The following TAS2R1 variants were observed in gnomAD, a reference collection of about 807,000 sequenced individuals.
TAS2R1 encodes taste receptor type 2 member 1.
For missense variants in TAS2R1, 370 were observed against 353.4 expected, an observed-to-expected ratio of 1.05 and a Z score of -0.38; for synonymous variants, 141 against 134.2, an observed-to-expected ratio of 1.05 and a Z score of -0.35.
At chr5:9,890,419 G>C in the TAS2R1 span, among the ~76,000 whole-genome samples, 1 of 151,922 alleles carries the variant, frequency 6.6e-6, no homozygotes, top group Admixed American at 6.6e-5. Flanking sequence ...CACATCTCAG[G>C]GTCTTGCAGC....
the TAS2R1 span, among the ~76,000 whole-genome samples, chr5:9,876,023 TAG>T: frequency 1.3e-5 from 2 of 152,096 alleles, no homozygotes. Flanking sequence ...CCAACTATGG[TAG>T]AGACTGGAAA....
At chr5:9,830,697 T>C in the TAS2R1 span, among the ~76,000 whole-genome samples, 2 of 152,096 alleles carry the variant, frequency 1.3e-5, no homozygotes, top group South Asian at 4.2e-4. Context: ...TTGGAAGGGA[T>C]TTTAAGATGC....
chr5:9,674,179 TA>T (rs1421052065), intron 1 of TAS2R1, among the ~76,000 whole-genome samples: 1 of 152,224 alleles, frequency 6.6e-6, no homozygotes, highest in African/African-American at 2.4e-5. Flanking sequence ...AACTGTATTT[TA>T]TATGCCAGCT....
chr5:9,839,323 T>G, the TAS2R1 span, among the ~76,000 whole-genome samples: 145 of 152,258 alleles, frequency 9.5e-4, no homozygotes, highest in African/African-American at 3.4e-3. Context: ...GAAAAGCAAG[T>G]GGTAAGAATT....
At chr5:9,822,432 C>A in the TAS2R1 span, among the ~76,000 whole-genome samples, 1 of 150,926 alleles carries the variant, frequency 6.6e-6, no homozygotes, top group Non-Finnish European at 1.5e-5. Flanking sequence ...TCACTGCTGC[C>A]TCCACCTCCC....
At chr5:9,870,414 T>G in the TAS2R1 span, among the ~76,000 whole-genome samples, 67 of 152,322 alleles carry the variant, frequency 4.4e-4, no homozygotes, top group African/African-American at 1.5e-3. Flanking sequence ...TTCCTCACAC[T>G]TTTCTTCTAC....
the TAS2R1 span, among the ~76,000 whole-genome samples, chr5:9,782,668 A>C: frequency 6.6e-6 from 1 of 152,224 alleles, no homozygotes; most frequent in African/African-American, 2.4e-5. Context: ...CCACAAACTA[A>C]GAGTCGTGCA....
At chr5:9,901,281 G>A in the TAS2R1 span, among the ~76,000 whole-genome samples, 2 of 151,944 alleles carry the variant, frequency 1.3e-5, no homozygotes, top group African/African-American at 2.4e-5. Context: ...GAGATTGTAG[G>A]GGACAAAGTA....
chr5:9,752,069 A>T, the TAS2R1 span, among the ~76,000 whole-genome samples: 1 of 152,242 alleles, frequency 6.6e-6, no homozygotes. Context: ...GAGAAGGAAA[A>T]GATTAAAATG....
At position 9,680,934 on chromosome 5, in the gene TAS2R1, G is replaced by A. The variant is rs148589492; in HGVS notation, c.-241-21353C>T. 7.0e-3 allele frequency among the ~76,000 whole-genome samples: 1,069 copies of A among 152,108 alleles called. 17 individuals carry two copies. The highest frequency in any genetic ancestry group is 0.025 in the African/African-American group (1,024 of 41,498). On this transcript the variant is annotated intron_variant, in intron 1 of 2. Coordinates refer to the TAS2R1 transcript ENST00000506620. Reference sequence around the variant, plus strand: ...AAAAATTAGCCAGGTATGGTGGCAGGGGCCTGTAATCCCAACTGCTCGGAG... The same window carrying A: ...AAAAATTAGCCAGGTATGGTGGCAGAGGCCTGTAATCCCAACTGCTCGGAG...
At chr5:9,674,693 TTTC>T (rs1404786992) in intron 1 of TAS2R1, among the ~76,000 whole-genome samples, 1 of 152,182 alleles carries the variant, frequency 6.6e-6, no homozygotes, top group Non-Finnish European at 1.5e-5. Context: ...CTGAAGATCA[TTTC>T]TTAATTATAC....
At chr5:9,791,558 G>C in the TAS2R1 span, among the ~76,000 whole-genome samples, 4 of 152,136 alleles carry the variant, frequency 2.6e-5, no homozygotes, top group African/African-American at 9.7e-5. Flanking sequence ...AATTGGCCAG[G>C]CATCATGGCG....
At chr5:9,817,898 G>A in the TAS2R1 span, among the ~76,000 whole-genome samples, 1 of 151,644 alleles carries the variant, frequency 6.6e-6, no homozygotes, top group East Asian at 1.9e-4. Flanking sequence ...GGAGGGGGAG[G>A]GGAAGTGCCA....
the TAS2R1 span, among the ~76,000 whole-genome samples, chr5:9,816,775 C>G: frequency 2.0e-5 from 3 of 151,976 alleles, no homozygotes; most frequent in Non-Finnish European, 4.4e-5. Context: ...GTTGATGATT[C>G]TAATAATAGT....
the TAS2R1 span, among the ~76,000 whole-genome samples, chr5:9,891,118 T>G: frequency 6.6e-6 from 1 of 152,166 alleles, no homozygotes; most frequent in Non-Finnish European, 1.5e-5. Flanking sequence ...TGATACAGTA[T>G]CAAAGAAGAC....
the TAS2R1 span, among the ~76,000 whole-genome samples, chr5:9,852,438 C>T: frequency 6.6e-6 from 1 of 152,134 alleles, no homozygotes; most frequent in Non-Finnish European, 1.5e-5. Flanking sequence ...GAATGGCAAA[C>T]TCCTGGCATG....
chr5:9,737,993 G>A, the TAS2R1 span, among the ~76,000 whole-genome samples: 31 of 152,172 alleles, frequency 2.0e-4, no homozygotes, highest in Non-Finnish European at 3.5e-4. Flanking sequence ...AGAAGGACAC[G>A]TATGATGCAG....
intron 2 of TAS2R1, chr5:9,658,658 G>A (rs2126493679): frequency 6.6e-6 from 1 of 152,230 alleles, no homozygotes; most frequent in Non-Finnish European, 1.5e-5. Context: ...AGTTACCCGT[G>A]GATCAAATTA....
chr5:9,826,274 C>T, the TAS2R1 span, among the ~76,000 whole-genome samples: 1 of 152,068 alleles, frequency 6.6e-6, no homozygotes, highest in Non-Finnish European at 1.5e-5. Flanking sequence ...TATAACTCTT[C>T]TTGAGCTGTA....
Sources: allele counts gnomAD v4.1 joint callset (sites outside exome capture counted in the v4.1 genomes callset), GRCh38; gene constraint gnomAD v4.1.1; transcripts MANE v1.5; gene names NCBI Gene and HGNC (gene_info 2026-07-23, HGNC 2026-07-21).